CFAP54: variants seen among roughly 807,000 people sequenced by gnomAD.
CFAP54 encodes the protein cilia and flagella associated protein 54, also known as cilia- and flagella-associated protein 54.
A neutral mutation model predicts 370.4 loss-of-function variants in CFAP54; 290 were observed. That is an observed-to-expected ratio of 0.78 (90% CI 0.71 to 0.86). The LOEUF is 0.86. CFAP54 is among the 40% of genes least tolerant of loss of function. The pLI is 0.00. For missense variants in CFAP54, 3,399 were observed against 3,528.7 expected, an observed-to-expected ratio of 0.96 and a Z score of 0.93; for synonymous variants, 1,206 against 1,236.5, an observed-to-expected ratio of 0.98 and a Z score of 0.52.
At position 96,664,753 on chromosome 12, in the gene CFAP54, ATC is replaced by A. The variant is rs1305998877; in HGVS notation, c.5563+823_5563+824del. ...TATATATATATCTATATATATATATATCTATATATATCTATATCTATATCTAT... is the reference window on the plus strand; with the variant it reads ...TATATATATATCTATATATATATATATATATATATCTATATCTATATCTAT... On this transcript the variant is annotated intron_variant, in intron 39 of 67. Coordinates refer to ENST00000524981, the MANE Select transcript of CFAP54 (RefSeq NM_001306084.2). Among the ~76,000 whole-genome samples, 33 of 23,436 alleles carry A rather than the reference ATC, an allele frequency of 1.4e-3. 2 individuals carry two copies. Among genetic ancestry groups the A allele is most frequent in the Admixed American group, 8.8e-3 (22 of 2,508 alleles). 15.4% of individuals were successfully genotyped at this position (23,436 alleles called of 152,430 possible).
intron 32 of CFAP54, among the ~76,000 whole-genome samples, chr12:96,632,692 C>T (rs1956621782): frequency 6.6e-6 from 1 of 151,836 alleles, no homozygotes. Context: ...ATATTCTTTT[C>T]CTTCGTGCAA....
intron 26 of CFAP54, among the ~76,000 whole-genome samples, chr12:96,615,635 G>T (rs1015274351): frequency 3.3e-5 from 5 of 152,108 alleles, no homozygotes; most frequent in African/African-American, 1.2e-4. Context: ...CTAATATCCG[G>T]AATCTACAAA....
chr12:96,860,767 G>A (rs1776032352), intron 66 of CFAP54, 52 bp from the exon 67 acceptor site: 5 of 1,451,108 alleles, frequency 3.4e-6, no homozygotes, highest in Middle Eastern at 3.5e-4. Context: ...TGAGAACTTT[G>A]TCAACAGTTT....
At chr12:96,597,962 T>A (rs1956196202) in intron 25 of CFAP54, among the ~76,000 whole-genome samples, 1 of 151,874 alleles carries the variant, frequency 6.6e-6, no homozygotes, top group Admixed American at 6.6e-5. Context: ...ATGAGTGTAC[T>A]GTAACAATAG....
chr12:96,500,354 C>T (rs1162130235), intron 1 of CFAP54, among the ~76,000 whole-genome samples: 1 of 152,186 alleles, frequency 6.6e-6, no homozygotes, highest in Non-Finnish European at 1.5e-5. Context: ...TGAATCTACT[C>T]TCTGATATTT....
At chr12:96,513,797 T>C (rs552482604) in intron 5 of CFAP54, among the ~76,000 whole-genome samples, 2 of 152,206 alleles carry the variant, frequency 1.3e-5, no homozygotes, top group East Asian at 1.9e-4. Context: ...GATGATAAAC[T>C]ATGGTTACCC....
chr12:96,797,995 C>T (rs114167252), intron 63 of CFAP54, among the ~76,000 whole-genome samples: 1,764 of 151,724 alleles, frequency 0.012, 42 homozygotes, highest in African/African-American at 0.04. Context: ...TCTTTTTGTG[C>T]TTTTAGTGGT....
intron 41 of CFAP54, 69 bp downstream of exon 41, chr12:96,684,804 T>A (rs962330252): frequency 7.6e-7 from 1 of 1,308,872 alleles, no homozygotes. Flanking sequence ...AAGTTTTTAA[T>A]GAAAAAACAT....
chr12:96,550,937 C>A (rs1395250972), intron 15 of CFAP54, among the ~76,000 whole-genome samples: 1 of 152,082 alleles, frequency 6.6e-6, no homozygotes, highest in Non-Finnish European at 1.5e-5. Context: ...AAAGTTAGAA[C>A]CTACAAAAGA....
intron 5 of CFAP54, among the ~76,000 whole-genome samples, chr12:96,517,429 C>G (rs1352001407): frequency 6.6e-6 from 1 of 152,120 alleles, no homozygotes; most frequent in Non-Finnish European, 1.5e-5. Flanking sequence ...TGTGAAATTT[C>G]TAATACCAGG....
chr12:96,844,811 A>C (rs918105235), intron 66 of CFAP54, among the ~76,000 whole-genome samples: 4 of 152,154 alleles, frequency 2.6e-5, no homozygotes, highest in Non-Finnish European at 5.9e-5. Flanking sequence ...TCTGTCAACC[A>C]CTGGCAAGTC....
Position 96,651,787 on chromosome 12 carries a change from T to C in CFAP54, c.5072T>C (p.Ile1691Thr). Residue 1691 changes from isoleucine to threonine, a missense_variant, in exon 36 of 68, where the codon ATA becomes ACA. Around this residue, in one of 3 missense-constraint regions of CFAP54, gnomAD observed 2,796 missense variants for 2,869.7 expected, o/e 0.97. Transcript: ENST00000524981. ...LGAELLIDML[I>T]QLQNTSSIKP... ...GCAGAATTACTTATTGACATGTTAA[T>C]ACAACTACAAAATACCAGTTCTATT... is the stretch of plus-strand genomic sequence containing the variant. 1.9e-6 allele frequency: 3 copies of C among 1,605,390 alleles called. No homozygotes were observed. Among genetic ancestry groups the C allele is most frequent in the Non-Finnish European group, 2.6e-6 (3 of 1,172,126 alleles).
At chr12:96,758,487 C>A (rs728280) in intron 58 of CFAP54, among the ~76,000 whole-genome samples, 64,584 of 151,884 alleles carry the variant, frequency 0.43, 13,957 homozygotes, top group Middle Eastern at 0.5. Flanking sequence ...GAAACTGTCC[C>A]ATGATTCAGT....
At chr12:96,555,796 C>T (rs114005319) in intron 17 of CFAP54, among the ~76,000 whole-genome samples, 2,582 of 151,734 alleles carry the variant, frequency 0.017, 80 homozygotes, top group African/African-American at 0.059. Flanking sequence ...ACCAAATAAT[C>T]AGAAAGATTA....
intron 50 of CFAP54, among the ~76,000 whole-genome samples, chr12:96,724,643 G>A (rs1351227712): frequency 1.3e-5 from 2 of 152,048 alleles, no homozygotes; most frequent in Admixed American, 1.3e-4. Context: ...CACTCTGATG[G>A]TAGTTTCTTT....
chr12:96,833,773 G>C (rs996989614), intron 66 of CFAP54, among the ~76,000 whole-genome samples: 2 of 151,938 alleles, frequency 1.3e-5, no homozygotes, highest in African/African-American at 4.8e-5. Context: ...AATGATAATA[G>C]TCATGAAAAT....
intron 25 of CFAP54, among the ~76,000 whole-genome samples, chr12:96,597,486 CA>C (rs34731052): frequency 6.6e-6 from 1 of 151,648 alleles, no homozygotes; most frequent in Non-Finnish European, 1.5e-5. Flanking sequence ...TTGGTGTTGG[CA>C]AAAAAGCTGG....
At chr12:96,824,043 G>A (rs986038230) in intron 65 of CFAP54, among the ~76,000 whole-genome samples, 2 of 152,202 alleles carry the variant, frequency 1.3e-5, no homozygotes, top group African/African-American at 4.8e-5. Flanking sequence ...CACTCAGAGA[G>A]CCACTGCTCA....
chr12:96,871,590 G>T (rs1960168856), intron 67 of CFAP54, among the ~76,000 whole-genome samples: 2 of 152,036 alleles, frequency 1.3e-5, no homozygotes, highest in Admixed American at 1.3e-4. Flanking sequence ...AGAAGTTCCA[G>T]GTATTAGAAT....
Sources: allele counts gnomAD v4.1 joint callset (sites outside exome capture counted in the v4.1 genomes callset), GRCh38; gene constraint gnomAD v4.1.1; regional missense constraint gnomAD v4.1.1; transcripts MANE v1.5; gene names NCBI Gene and HGNC (gene_info 2026-07-23, HGNC 2026-07-21).